Variants in LTBP1 observed in about 807,000 individuals in gnomAD.
LTBP1 encodes the protein latent transforming growth factor beta binding protein 1, also known as latent-transforming growth factor beta-binding protein 1.
LTBP1 carries 129 observed loss-of-function variants against 207.6 expected under a neutral mutation model. The ratio of observed to expected loss-of-function variants is 0.62; its 90% confidence interval spans 0.54 to 0.72. The LOEUF is 0.72. LTBP1 is among the 30% of genes least tolerant of loss of function. The pLI, the probability that LTBP1 is intolerant of heterozygous loss-of-function variation, is 0.00. For missense variants in LTBP1, 2,281 were observed against 2,217.2 expected, an observed-to-expected ratio of 1.03 and a Z score of -0.58; for synonymous variants, 963 against 833.7, an observed-to-expected ratio of 1.16 and a Z score of -2.67.
intron 2 of LTBP1, among the ~76,000 whole-genome samples, chr2:33,015,470 C>T (rs1351750716): frequency 1.3e-5 from 2 of 152,164 alleles, no homozygotes; most frequent in Non-Finnish European, 2.9e-5. Flanking sequence ...AGTTTAGGCT[C>T]CTATCCCAGG....
intron 4 of LTBP1, among the ~76,000 whole-genome samples, chr2:33,122,034 C>A (rs147082020): frequency 6.6e-6 from 1 of 151,720 alleles, no homozygotes; most frequent in Admixed American, 6.6e-5. Flanking sequence ...ACCCTGCCCC[C>A]CTCCACACAC....
intron 4 of LTBP1, among the ~76,000 whole-genome samples, chr2:33,132,252 G>T (rs752460319): frequency 6.6e-6 from 1 of 152,124 alleles, no homozygotes; most frequent in African/African-American, 2.4e-5. Flanking sequence ...AAGCTGATTT[G>T]TTTGTGCTAC....
chr2:33,347,089 G>C (rs1390350186), intron 25 of LTBP1, among the ~76,000 whole-genome samples: 2 of 138,076 alleles, frequency 1.4e-5, no homozygotes, highest in African/African-American at 5.6e-5. Context: ...CTGCACTCCA[G>C]CCTGGGCGAC....
chr2:33,128,366 G>A (rs1157511265), intron 4 of LTBP1, among the ~76,000 whole-genome samples: 2 of 152,242 alleles, frequency 1.3e-5, no homozygotes, highest in South Asian at 2.1e-4. Flanking sequence ...TAGGCAGATT[G>A]CATGCGTAGT....
At chr2:33,157,489 A>G (rs2084063573) in intron 5 of LTBP1, among the ~76,000 whole-genome samples, 1 of 152,238 alleles carries the variant, frequency 6.6e-6, no homozygotes, top group Admixed American at 6.5e-5. Context: ...CATCTCATTC[A>G]TTCTTTTCAT....
chr2:33,302,901 A>T (rs367860097), intron 22 of LTBP1, among the ~76,000 whole-genome samples: 1 of 151,492 alleles, frequency 6.6e-6, no homozygotes, highest in Admixed American at 6.6e-5. Flanking sequence ...CGTCTCTACT[A>T]AAAAAATACA....
Position 32,947,314 on chromosome 2 carries a change from T to A in LTBP1, c.-11T>A. On this transcript the variant is annotated 5_prime_UTR_variant, in exon 1 of 34. Transcript: ENST00000404816. ...ACCGCGCGCGACCGGTCGCGCCCGC[T>A]GGGGCCCGCGATGGCGGGGGCCTGG... is the stretch of plus-strand genomic sequence containing the variant. The A allele has an allele frequency of 8.4e-7, 1 of 1,190,032 alleles. No homozygotes were observed. The highest frequency in any genetic ancestry group is 1.0e-6 in the Non-Finnish European group (1 of 961,236). 73.7% of individuals were successfully genotyped at this position (1,190,032 alleles called of 1,614,324 possible).
At chr2:33,069,554 T>A (rs2077684265) in intron 3 of LTBP1, among the ~76,000 whole-genome samples, 1 of 152,192 alleles carries the variant, frequency 6.6e-6, no homozygotes, top group South Asian at 2.1e-4. Context: ...CCTGCTGACC[T>A]TGAAACCCTT....
intron 19 of LTBP1, among the ~76,000 whole-genome samples, chr2:33,281,115 G>A (rs992307760): frequency 4.6e-5 from 7 of 152,112 alleles, no homozygotes; most frequent in Admixed American, 4.6e-4. Flanking sequence ...CCCCAGAGTT[G>A]TACTAAGTTC....
intron 2 of LTBP1, among the ~76,000 whole-genome samples, chr2:32,996,264 C>G (rs79917827): frequency 1.3e-5 from 2 of 152,098 alleles, no homozygotes; most frequent in Non-Finnish European, 2.9e-5. Flanking sequence ...GCTTCCTAGA[C>G]GGCCATCTTT....
At chr2:33,230,845 G>T (rs58995878) in intron 9 of LTBP1, among the ~76,000 whole-genome samples, 1,796 of 152,306 alleles carry the variant, frequency 0.012, 35 homozygotes, top group African/African-American at 0.042. Context: ...ACCAGTTTCA[G>T]TTTACAAGGA....
intron 5 of LTBP1, among the ~76,000 whole-genome samples, chr2:33,176,768 A>G (rs868799951): frequency 6.6e-6 from 1 of 152,088 alleles, no homozygotes; most frequent in South Asian, 2.1e-4. Flanking sequence ...GCTGTTATGT[A>G]TGCTTTGGGA....
chr2:33,133,907 C>T (rs2081971667), intron 4 of LTBP1, among the ~76,000 whole-genome samples: 2 of 152,126 alleles, frequency 1.3e-5, no homozygotes. Flanking sequence ...CCAGGATATA[C>T]TTTTAGTCTA....
chr2:33,046,546 G>A (rs763539944), intron 3 of LTBP1, among the ~76,000 whole-genome samples: 3 of 152,182 alleles, frequency 2.0e-5, no homozygotes, highest in East Asian at 1.9e-4. Context: ...TTGCATTGAT[G>A]TTCATCAGGG....
At chr2:32,947,905 CCGCGGTGGCCAGGGCGGTCGCG>C in intron 1 of LTBP1, 87 bp downstream of exon 1, 2 of 1,174,420 alleles carry the variant, frequency 1.7e-6, no homozygotes, top group Non-Finnish European at 2.2e-6. Flanking sequence ...ACTCGGAGCC[CCGCGGTGGCCAGGGCGGTCGCG>C]CGCGGTGGGT....
rs34843933 is a variant in LTBP1, at chr2:33,078,862, C to CTTT, written c.864-31707_864-31705dup. On this transcript the variant is annotated intron_variant, in intron 3 of 33. Coordinates refer to ENST00000404816, the MANE Select transcript of LTBP1 (RefSeq NM_206943.4). ...CTTCTGTTTTCTTTTCTTTTCTTTT[C>CTTT]TTTTTTTTTTTTTTTGAGACAGAGT... 7.3e-4 allele frequency among the ~76,000 whole-genome samples: 78 copies of CTTT among 106,890 alleles called. 4 individuals carry two copies. The highest frequency in any genetic ancestry group is 5.1e-3 in the South Asian group (14 of 2,764). The allele number at this position is 106,890 out of a possible 152,430, so 70.1% of individuals were successfully genotyped here.
intron 3 of LTBP1, among the ~76,000 whole-genome samples, chr2:33,083,619 C>T (rs2078570507): frequency 6.6e-6 from 1 of 152,158 alleles, no homozygotes; most frequent in Non-Finnish European, 1.5e-5. Context: ...AGGTCCTTAA[C>T]TTAGAGAACA....
intron 4 of LTBP1, among the ~76,000 whole-genome samples, chr2:33,124,721 TTAAAACTGACCA>T (rs1201353533): frequency 6.6e-6 from 1 of 152,258 alleles, no homozygotes; most frequent in African/African-American, 2.4e-5. Context: ...GTTGCTCCAG[TTAAAACTGACCA>T]TGTGTAAGTA....
chr2:33,078,294 T>C (rs144526110), intron 3 of LTBP1, among the ~76,000 whole-genome samples: 1 of 152,208 alleles, frequency 6.6e-6, no homozygotes, highest in African/African-American at 2.4e-5. Flanking sequence ...ACCTCACAAA[T>C]AAATATTCTG....
Sources: gnomAD v4.1 joint callset for allele counts (sites outside exome capture counted in the v4.1 genomes callset) on GRCh38, gnomAD v4.1.1 for gene constraint, MANE v1.5 for transcripts, NCBI Gene and HGNC (gene_info 2026-07-23, HGNC 2026-07-21) for gene names.